The following MAGI2 variants were observed in gnomAD, a reference collection of about 807,000 sequenced individuals.
MAGI2 encodes the protein membrane associated guanylate kinase, WW and PDZ domain containing 2.
A neutral mutation model predicts 133.3 loss-of-function variants in MAGI2; 35 were observed. That is an observed-to-expected ratio of 0.26 (90% CI 0.20 to 0.35). The LOEUF (loss-of-function observed/expected upper bound fraction) is 0.35. Among genes scored for constraint, MAGI2 ranks in the 10% least tolerant of loss-of-function variants. MAGI2 has a pLI of 1.00. For missense variants in MAGI2, 1,636 were observed against 1,863.4 expected, an observed-to-expected ratio of 0.88 and a Z score of 2.25; for synonymous variants, 729 against 710.6, an observed-to-expected ratio of 1.03 and a Z score of -0.41.
At chr7:78,546,667 A>G (rs1413680548) in intron 3 of MAGI2, among the ~76,000 whole-genome samples, 3 of 105,728 alleles carry the variant, frequency 2.8e-5, no homozygotes. Flanking sequence ...CCCGTTGTCA[A>G]AGATCCTCAT....
chr7:78,365,872 T>C (rs749601421), intron 7 of MAGI2, among the ~76,000 whole-genome samples: 13 of 152,186 alleles, frequency 8.5e-5, no homozygotes, highest in Non-Finnish European at 1.3e-4. Flanking sequence ...GAGAGGAAAA[T>C]GTGTGTTTAT....
chr7:78,479,305 CA>C (rs1792111999), intron 6 of MAGI2, among the ~76,000 whole-genome samples: 1 of 151,988 alleles, frequency 6.6e-6, no homozygotes, highest in Admixed American at 6.6e-5. Flanking sequence ...TGTCTGAAGG[CA>C]ACATTTATTA....
intron 15 of MAGI2, among the ~76,000 whole-genome samples, chr7:78,162,357 CAAA>C (rs3085587): frequency 3.4e-4 from 47 of 137,068 alleles, no homozygotes; most frequent in African/African-American, 6.5e-4. Context: ...ACTAAAAATA[CAAA>C]AAAAAAAAAA....
intron 2 of MAGI2, among the ~76,000 whole-genome samples, chr7:78,863,681 C>G (rs1331184088): frequency 1.3e-5 from 2 of 152,212 alleles, no homozygotes; most frequent in Non-Finnish European, 2.9e-5. Flanking sequence ...AAGCTCTGAA[C>G]TTTGCTCACA....
At chr7:78,838,830 CCT>C (rs1279600795) in intron 2 of MAGI2, among the ~76,000 whole-genome samples, 6 of 151,742 alleles carry the variant, frequency 4.0e-5, no homozygotes, top group Admixed American at 3.3e-4. Context: ...TAATTGTTTC[CCT>C]GTTAAGCAAA....
intron 21 of MAGI2, among the ~76,000 whole-genome samples, chr7:78,041,068 G>C (rs553022261): frequency 1.3e-5 from 2 of 152,112 alleles, no homozygotes; most frequent in Non-Finnish European, 1.5e-5. Flanking sequence ...GACCACATCT[G>C]ATTCTTCTCA....
chr7:79,386,712 T>C (rs759412053), intron 1 of MAGI2, among the ~76,000 whole-genome samples: 15 of 152,142 alleles, frequency 9.9e-5, no homozygotes, highest in Non-Finnish European at 1.9e-4. Flanking sequence ...TGCTATGATC[T>C]GAATGTGTGC....
intron 16 of MAGI2, among the ~76,000 whole-genome samples, chr7:78,141,948 T>C (rs987229563): frequency 6.6e-6 from 1 of 152,212 alleles, no homozygotes; most frequent in Non-Finnish European, 1.5e-5. Context: ...TTTATACCAA[T>C]TGTTAAAAAT....
At chr7:78,576,904 G>C (rs191884280) in intron 3 of MAGI2, among the ~76,000 whole-genome samples, 61 of 152,236 alleles carry the variant, frequency 4.0e-4, no homozygotes, top group African/African-American at 1.4e-3. Flanking sequence ...TTCAAGACCA[G>C]TCTGGCCAAT....
At chr7:79,035,029 C>T (rs1050964972) in intron 1 of MAGI2, among the ~76,000 whole-genome samples, 18 of 152,050 alleles carry the variant, frequency 1.2e-4, no homozygotes, top group Non-Finnish European at 2.4e-4. Flanking sequence ...TGCAATTGCT[C>T]CTACTAGGTT....
intron 1 of MAGI2, among the ~76,000 whole-genome samples, chr7:79,306,833 G>A (rs368988148): frequency 7.4e-6 from 1 of 135,218 alleles, no homozygotes; most frequent in Non-Finnish European, 1.6e-5. Context: ...TTTTTTTTTT[G>A]AGATGGAGTC....
intron 1 of MAGI2, among the ~76,000 whole-genome samples, chr7:79,245,413 G>A (rs1311535564): frequency 6.6e-6 from 1 of 152,082 alleles, no homozygotes; most frequent in Non-Finnish European, 1.5e-5. Context: ...CCTGAAGGGG[G>A]CGTTCTAGGC....
intron 1 of MAGI2, among the ~76,000 whole-genome samples, chr7:79,402,296 A>G (rs1163775712): frequency 6.6e-6 from 1 of 152,214 alleles, no homozygotes; most frequent in Non-Finnish European, 1.5e-5. Context: ...GAGATATTAG[A>G]AAACTATTAT....
At chr7:79,389,836 A>T (rs1188617617) in intron 1 of MAGI2, among the ~76,000 whole-genome samples, 2 of 152,018 alleles carry the variant, frequency 1.3e-5, no homozygotes, top group African/African-American at 4.8e-5. Context: ...GGGTTTCCTG[A>T]GTCTAGAGCT....
chr7:78,506,235 G>A (rs1343706375), intron 4 of MAGI2, among the ~76,000 whole-genome samples: 1 of 152,124 alleles, frequency 6.6e-6, no homozygotes, highest in Non-Finnish European at 1.5e-5. Flanking sequence ...AACCTGCCAT[G>A]GTGGGTGGCA....
chr7:79,321,280 G>A (rs1470594339), intron 1 of MAGI2, among the ~76,000 whole-genome samples: 1 of 152,000 alleles, frequency 6.6e-6, no homozygotes, highest in Non-Finnish European at 1.5e-5. Flanking sequence ...GACCACTAGG[G>A]CCTTGGTTTT....
At chr7:79,139,650 G>A (rs1821931906) in intron 1 of MAGI2, among the ~76,000 whole-genome samples, 1 of 152,188 alleles carries the variant, frequency 6.6e-6, no homozygotes, top group Non-Finnish European at 1.5e-5. Context: ...GGTAAATTTG[G>A]TAACTGGGAG....
At chr7:78,483,330 G>A (rs1219930174) in intron 6 of MAGI2, among the ~76,000 whole-genome samples, 2 of 151,770 alleles carry the variant, frequency 1.3e-5, no homozygotes, top group African/African-American at 4.8e-5. Flanking sequence ...ACAATTCATT[G>A]CTCTACATGC....
chr7:78,468,612 G>C (rs1240401049), intron 6 of MAGI2, among the ~76,000 whole-genome samples: 2 of 151,794 alleles, frequency 1.3e-5, no homozygotes, highest in Non-Finnish European at 2.9e-5. Context: ...TTTTAAATTG[G>C]TTTCAAGTTA....
Sources: allele counts gnomAD v4.1 joint callset (sites outside exome capture counted in the v4.1 genomes callset), GRCh38; gene constraint gnomAD v4.1.1; transcripts MANE v1.5; gene names NCBI Gene and HGNC (gene_info 2026-07-23, HGNC 2026-07-21).